The following CPSF2 variants were observed in gnomAD, a reference collection of about 807,000 sequenced individuals.
CPSF2 encodes cleavage and polyadenylation specificity factor subunit 2.
In CPSF2, 51 loss-of-function variants were observed where a neutral mutation model predicts 84.2. The observed-to-expected ratio is 0.61, with a 90% CI of 0.48 to 0.77. CPSF2 has a LOEUF of 0.77. CPSF2 is among the 30% of genes least tolerant of loss of function. CPSF2 has a pLI of 0.00. For synonymous variants in CPSF2, 286 were observed against 311.9 expected (o/e 0.92, Z 0.87); for missense variants, 641 against 929.4 (o/e 0.69, Z 4.03).
Position 92,134,342 on chromosome 14 carries a change from T to C in CPSF2, c.402T>C (p.Ile134=), listed in dbSNP as rs2068972408. 6.2e-7 allele frequency: 1 copy of C among 1,609,018 alleles called. No individual in the cohort carries two copies. The highest frequency in any genetic ancestry group is 2.2e-5 in the East Asian group (1 of 44,846). Residue 134 remains isoleucine (I), a synonymous_variant, in exon 5 of 16, where the codon ATT becomes ATC. Transcript: ENST00000298875. ...TACAGCAGCTAAAATTCTCTCAGAT[T>C]GTGAATTTGAAAGGTAAAAAGAATT... The part of the protein sequence containing the change: ...DKIQQLKFSQ[I]VNLKGKGHGL...
At chr14:92,124,460 A>T (rs1373784986) in intron 1 of CPSF2, among the ~76,000 whole-genome samples, 1 of 152,206 alleles carries the variant, frequency 6.6e-6, no homozygotes, top group Non-Finnish European at 1.5e-5. Flanking sequence ...CTGACTGCTA[A>T]GTTAATGGTA....
intron 3 of CPSF2, among the ~76,000 whole-genome samples, chr14:92,132,934 TA>T (rs890451677): frequency 1.3e-5 from 2 of 150,722 alleles, no homozygotes; most frequent in African/African-American, 4.9e-5. Context: ...CTACTAAAAA[TA>T]AAAAAATTAG....
intron 6 of CPSF2, among the ~76,000 whole-genome samples, chr14:92,136,213 CTATT>C (rs1446448985): frequency 3.3e-5 from 5 of 152,082 alleles, no homozygotes; most frequent in Admixed American, 6.6e-5. Context: ...AAGTTCATAG[CTATT>C]TTGTGTTACA....
intron 11 of CPSF2, 45 bp from the exon 12 acceptor site, chr14:92,156,434 A>G (rs1215666303): frequency 1.3e-6 from 2 of 1,557,880 alleles, no homozygotes; most frequent in African/African-American, 1.4e-5. Flanking sequence ...GTTATGTAGT[A>G]TTAGCTTGCT....
At chr14:92,145,449 G>A (rs923805499) in intron 9 of CPSF2, among the ~76,000 whole-genome samples, 2 of 152,150 alleles carry the variant, frequency 1.3e-5, no homozygotes, top group East Asian at 3.9e-4. Flanking sequence ...TTTGTTAAAA[G>A]CTATGTGGTA....
intron 2 of CPSF2, among the ~76,000 whole-genome samples, chr14:92,130,256 G>A (rs1487441058): frequency 6.6e-6 from 1 of 151,654 alleles, no homozygotes. Flanking sequence ...ACGTGTATAT[G>A]TACTCTTGTT....
rs556108328 is a variant in CPSF2 at position 92,141,064 on chromosome 14, A to G, written c.662-1100A>G. On this transcript the variant is annotated intron_variant, in intron 7 of 15. Transcript: ENST00000298875. ...TACTTGTTGGAAGGGAATATGATCT[A>G]TATTTTATTCTATAGGCATACATAC... Among the ~76,000 whole-genome samples the G allele has an allele frequency of 6.6e-5, 10 of 152,350 alleles. No homozygotes were observed. The South Asian group carries it at 1.9e-3, about 28-fold the overall frequency.
chr14:92,131,880 G>A (rs2068936531), intron 3 of CPSF2, among the ~76,000 whole-genome samples: 1 of 151,870 alleles, frequency 6.6e-6, no homozygotes, highest in Non-Finnish European at 1.5e-5. Context: ...GATGTTTGCA[G>A]TATTATACTA....
In CPSF2 at chr14:92,142,341, C is replaced by G; in HGVS notation, c.839C>G (p.Ser280Cys). ...NNVSYNVVEF[S>C]KSQVEWMSDK... The stretch of plus-strand genomic sequence containing the variant: ...GTCAGTTACAATGTGGTGGAGTTTT[C>G]TAAGTCCCAGGTTTGTTCTCATGTT... The change falls in exon 8 of 16, where the codon TCT (serine) becomes TGT (cysteine). Residue 280 changes from serine (S) to cysteine (C), a missense_variant. This residue lies in a region of CPSF2 where 211 missense variants were observed against 375.7 expected (regional missense o/e 0.56). Transcript: ENST00000298875. 2 of 1,611,062 alleles carry G rather than the reference C, an allele frequency of 1.2e-6. No homozygotes were observed. Among genetic ancestry groups the G allele is most frequent in the Non-Finnish European group, 1.7e-6 (2 of 1,178,072 alleles).
chr14:92,146,297 G>A (rs1179725829), intron 9 of CPSF2, among the ~76,000 whole-genome samples: 20 of 152,162 alleles, frequency 1.3e-4, no homozygotes, highest in African/African-American at 4.3e-4. Context: ...AGAGGTGGGC[G>A]GATCACGAGG....
intron 2 of CPSF2, among the ~76,000 whole-genome samples, chr14:92,128,876 T>A (rs897440053): frequency 2.6e-5 from 4 of 152,002 alleles, no homozygotes; most frequent in African/African-American, 9.7e-5. Flanking sequence ...TGAAGTGAAA[T>A]GATTATTGGA....
At chr14:92,147,601 A>G (rs1490120187) in intron 9 of CPSF2, among the ~76,000 whole-genome samples, 4 of 152,214 alleles carry the variant, frequency 2.6e-5, no homozygotes, top group Non-Finnish European at 5.9e-5. Flanking sequence ...AAAGGCATCT[A>G]TGTAGGTTGC....
At chr14:92,161,342 C>G (rs1416995149) in intron 15 of CPSF2, 96 bp downstream of exon 15, 2 of 1,382,176 alleles carry the variant, frequency 1.4e-6, no homozygotes, top group Non-Finnish European at 1.9e-6. Context: ...TTTCACAAAA[C>G]TGAAGATCAG....
At position 92,129,060 on chromosome 14, in the gene CPSF2, T is replaced by A. The variant is rs144672204; in HGVS notation, c.-34-1891T>A. ...CAAGAGCTTTAATGGGACTAGACTA[T>A]TTGAAAGAGGAAAGAGAAGACATGG... On this transcript the variant is annotated intron_variant, in intron 2 of 15. Transcript: ENST00000298875. Among the ~76,000 whole-genome samples the A allele has an allele frequency of 3.9e-3, 589 of 152,184 alleles. 1 individual carries two copies. The highest frequency in any genetic ancestry group is 6.2e-3 in the South Asian group (30 of 4,824).
At chr14:92,152,640 T>C (rs1347961504) in intron 9 of CPSF2, among the ~76,000 whole-genome samples, 1 of 151,922 alleles carries the variant, frequency 6.6e-6, no homozygotes, top group Non-Finnish European at 1.5e-5. Flanking sequence ...GGTTTCACCA[T>C]GTTGGCCAGG....
At chr14:92,135,524 G>A in intron 6 of CPSF2, 28 bp downstream of exon 6, 1 of 1,575,522 alleles carries the variant, frequency 6.3e-7, no homozygotes, top group African/African-American at 1.4e-5. Flanking sequence ...AAAGCTAAAG[G>A]CAATGCAATT....
In CPSF2 at chr14:92,142,178, A is replaced by G. The variant is rs758714783; in HGVS notation, c.676A>G (p.Thr226Ala). The change falls in exon 8 of 16, where the codon ACA (threonine) becomes GCA (alanine). Residue 226 changes from threonine (T) to alanine (A), a missense_variant. Physicochemically the swap from Thr to Ala is moderately conservative, Grantham distance 58. This residue lies in a region of CPSF2 where 211 missense variants were observed against 375.7 expected (regional missense o/e 0.56). Coordinates refer to ENST00000298875, the MANE Select transcript of CPSF2 (RefSeq NM_017437.3). ...TTGTTTTCTAGCAAATGTCCTGGAA[A>G]CACTTCGAGGTGATGGAAATGTGTT... ...DEQLLTNVLETLRGDGNVLIA... is the reference protein window; with the variant it reads ...DEQLLTNVLEALRGDGNVLIA... The G allele has an allele frequency of 2.5e-6, 4 of 1,606,422 alleles. No homozygotes were observed. The highest frequency in any genetic ancestry group is 1.7e-5 in the Admixed American group (1 of 59,000).
chr14:92,157,789 G>A lies in CPSF2; in HGVS notation c.1726G>A (p.Glu576Lys). 6.2e-7 allele frequency: 1 copy of A among 1,614,174 alleles called. No homozygotes were observed. Among genetic ancestry groups the A allele is most frequent in the Non-Finnish European group, 8.5e-7 (1 of 1,179,988 alleles). ...GPPEASQDLA[E>K]CCRAFGGKDI... Reference sequence around the variant, plus strand: ...ACCAGAGGCCAGTCAAGATCTGGCAGAGTGCTGTCGCGCCTTTGGTGGGAA... The same window carrying A: ...ACCAGAGGCCAGTCAAGATCTGGCAAAGTGCTGTCGCGCCTTTGGTGGGAA... The change falls in exon 13 of 16, where the codon GAG becomes AAG. Residue 576 changes from glutamate (E) to lysine (K), a missense_variant. Glu to Lys is a moderately conservative substitution (Grantham distance 56). This residue lies in a region of CPSF2 where 430 missense variants were observed against 553.6 expected (regional missense o/e 0.78). Transcript: ENST00000298875. The surrounding 1 kb of genome is among the most constrained non-coding windows in gnomAD (Gnocchi z 4.0).
chr14:92,139,016 G>C (rs1245880852), intron 7 of CPSF2, among the ~76,000 whole-genome samples: 1 of 152,208 alleles, frequency 6.6e-6, no homozygotes, highest in African/African-American at 2.4e-5. Context: ...AGTGTGTAAA[G>C]ATTGGCTTCT....
Sources: allele counts gnomAD v4.1 joint callset (sites outside exome capture counted in the v4.1 genomes callset), GRCh38; gene constraint gnomAD v4.1.1; regional missense constraint gnomAD v4.1.1; non-coding constraint Gnocchi (gnomAD v3.1); transcripts MANE v1.5; gene names NCBI Gene and HGNC (gene_info 2026-07-23, HGNC 2026-07-21).